C17orf75: variants seen among roughly 807,000 people sequenced by gnomAD.
The protein encoded by C17orf75 is chromosome 17 open reading frame 75.
A neutral mutation model predicts 49.6 loss-of-function variants in C17orf75; 32 were observed. The ratio of observed to expected loss-of-function variants is 0.65; its 90% confidence interval spans 0.49 to 0.87. C17orf75 has a LOEUF of 0.87. C17orf75 is among the 40% of genes least tolerant of loss of function. The pLI is 0.00. For synonymous variants in C17orf75, 158 were observed against 159.5 expected, an observed-to-expected ratio of 0.99 and a Z score of 0.07; for missense variants, 428 against 473.9, an observed-to-expected ratio of 0.90 and a Z score of 0.90.
rs1271784639 is a variant in C17orf75 at position 32,334,431 on chromosome 17, A to T, written c.871+38T>A. 8 of 1,590,248 alleles carry T rather than the reference A, an allele frequency of 5.0e-6. No homozygotes were observed. The East Asian group carries it at 1.8e-4, about 36-fold the overall frequency. On this transcript the variant is annotated intron_variant, in intron 8 of 9. Transcript: ENST00000577809. ...CTCAGTGCAAAGATGGGGACTCGCA[A>T]GAGATGTAGGAAGGCTGCTTCAGAG...
chr17:32,331,682 C>G lies in C17orf75; in HGVS notation c.*81G>C. ...TTTCAAATCATCTTAAATAGCAATCCTATGAACAATTATAACTGCAATTTC... is the reference window on the plus strand; with the variant it reads ...TTTCAAATCATCTTAAATAGCAATCGTATGAACAATTATAACTGCAATTTC... On this transcript the variant is annotated 3_prime_UTR_variant, in exon 10 of 10. Coordinates refer to ENST00000577809, the MANE Select transcript of C17orf75 (RefSeq NM_022344.4). 1.8e-6 allele frequency: 2 copies of G among 1,112,320 alleles called. No individual in the cohort carries two copies. The highest frequency in any genetic ancestry group is 2.7e-6 in the Non-Finnish European group (2 of 751,678). 68.9% of individuals were successfully genotyped at this position (1,112,320 alleles called of 1,614,324 possible).
At chr17:32,345,797 C>T (rs528178249), upstream of C17orf75, among the ~76,000 whole-genome samples, 55 of 152,128 alleles carry the variant, frequency 3.6e-4, 1 homozygote, top group South Asian at 5.6e-3. Context: ...CTGCCCTCTT[C>T]GGCTTCCCAA....
At chr17:32,346,144 A>G (rs981387948), upstream of C17orf75, among the ~76,000 whole-genome samples, 8 of 152,128 alleles carry the variant, frequency 5.3e-5, no homozygotes, top group African/African-American at 1.9e-4. Flanking sequence ...CGAGAGGCAC[A>G]GCATGGTGGC....
intron 9 of C17orf75, 34 bp from the exon 10 acceptor site, chr17:32,332,012 A>G (rs2041278451): frequency 7.8e-6 from 12 of 1,543,624 alleles, no homozygotes; most frequent in South Asian, 3.4e-5. Context: ...AAATGTGTTA[A>G]GTGAAATAAT....
chr17:32,343,587 T>G (rs796751879), upstream of C17orf75: 1 of 423,172 alleles, frequency 2.4e-6, no homozygotes, highest in Non-Finnish European at 4.2e-6. Context: ...ATAGCACAGT[T>G]TCTTCTCTTG....
At position 32,334,454 on chromosome 17, in the gene C17orf75, G is replaced by C. The variant is rs749227675; in HGVS notation, c.871+15C>G. 1 of 1,608,094 alleles carries C rather than the reference G, an allele frequency of 6.2e-7. No individual in the cohort carries two copies. Among genetic ancestry groups the C allele is most frequent in the African/African-American group, 1.3e-5 (1 of 74,818 alleles). ...CAAGAGATGTAGGAAGGCTGCTTCAGAGGTTGTAGCTCACCTGCATTGCAG... is the reference window on the plus strand; with the variant it reads ...CAAGAGATGTAGGAAGGCTGCTTCACAGGTTGTAGCTCACCTGCATTGCAG... On this transcript the variant is annotated intron_variant, in intron 8 of 9. Coordinates refer to ENST00000577809, the MANE Select transcript of C17orf75 (RefSeq NM_022344.4).
upstream of C17orf75, among the ~76,000 whole-genome samples, chr17:32,342,958 C>G (rs1198247581): frequency 6.6e-6 from 1 of 152,132 alleles, no homozygotes; most frequent in African/African-American, 2.4e-5. Flanking sequence ...AAAAGGATAC[C>G]AAAGACTGGG....
intron 1 of C17orf75, among the ~76,000 whole-genome samples, chr17:32,348,867 C>CTTTT (rs561014138): frequency 1.8e-5 from 2 of 108,848 alleles, no homozygotes; most frequent in Non-Finnish European, 1.8e-5. Flanking sequence ...CAGCTCCAGT[C>CTTTT]TTTTTTTTTT....
At chr17:32,333,382 T>G (rs1481779960) in intron 9 of C17orf75, 35 bp downstream of exon 9, 1 of 1,499,542 alleles carries the variant, frequency 6.7e-7, no homozygotes, top group East Asian at 2.3e-5. Flanking sequence ...AGACAAAAAT[T>G]TCATGTGGCA....
At chr17:32,333,290 C>A in intron 9 of C17orf75, 127 bp downstream of exon 9, 1 of 675,922 alleles carries the variant, frequency 1.5e-6, no homozygotes, top group Non-Finnish European at 2.6e-6. Context: ...TCTGATAATT[C>A]CAGTTTTGAG....
At position 32,341,150 on chromosome 17, in the gene C17orf75, G is replaced by A. The variant is rs2041376527; in HGVS notation, c.221+54C>T. On this transcript the variant is annotated intron_variant, in intron 2 of 9. Transcript: ENST00000577809. Reference sequence around the variant, plus strand: ...AGTATCCACTGACATGTACAGGCCAGAGATGCAGGGAAGATGAAAGCACAT... The same window carrying A: ...AGTATCCACTGACATGTACAGGCCAAAGATGCAGGGAAGATGAAAGCACAT... 4 of 1,565,550 alleles carry A rather than the reference G, an allele frequency of 2.6e-6. No homozygotes were observed. The Admixed American group carries it at 5.0e-5, about 20-fold the overall frequency.
At chr17:32,346,030 A>G (rs1394654152), upstream of C17orf75, among the ~76,000 whole-genome samples, 2 of 152,082 alleles carry the variant, frequency 1.3e-5, no homozygotes, top group African/African-American at 2.4e-5. Context: ...CTATGTATCT[A>G]TTTTAAAATA....
upstream of C17orf75, among the ~76,000 whole-genome samples, chr17:32,344,906 CA>C (rs948471560): frequency 6.8e-6 from 1 of 147,900 alleles, no homozygotes; most frequent in African/African-American, 2.5e-5. Context: ...GACTCTGTCT[CA>C]AAAAAAAATA....
upstream of C17orf75, among the ~76,000 whole-genome samples, chr17:32,345,122 T>C (rs2041415371): frequency 6.6e-6 from 1 of 152,168 alleles, no homozygotes; most frequent in South Asian, 2.1e-4. Flanking sequence ...CTCTTGCATG[T>C]CTGAAAATAT....
upstream of C17orf75, chr17:32,343,966 A>G: frequency 1.5e-6 from 1 of 684,352 alleles, no homozygotes. Context: ...GAAACACTTC[A>G]TCGGGGTTCA....
chr17:32,341,862 C>A, intron 1 of C17orf75, 138 bp downstream of exon 1: 3 of 1,082,674 alleles, frequency 2.8e-6, no homozygotes. Flanking sequence ...AGGCCAGAGA[C>A]CTTGGCTGGG....
At chr17:32,333,579 A>G in intron 8 of C17orf75, 59 bp from the exon 9 acceptor site, 1 of 1,454,520 alleles carries the variant, frequency 6.9e-7, no homozygotes, top group Non-Finnish European at 9.5e-7. Context: ...TTATTTATTT[A>G]TTTATTTGAG....
chr17:32,342,059 C>T lies in C17orf75; in HGVS notation c.81G>A (p.Glu27=). The part of the protein sequence containing the change: ...ESSEEGGSAE[E]RRLEPPSSSH... ...TGCTGGACGGCGGCTCGAGTCTCCG[C>T]TCCTCGGCTGAGCCTCCCTCTTCGC... Residue 27 remains glutamate, a synonymous_variant, in exon 1 of 10, where the codon GAG becomes GAA. Transcript: ENST00000577809. 6.4e-7 allele frequency: 1 copy of T among 1,563,576 alleles called. No individual in the cohort carries two copies. Among genetic ancestry groups the T allele is most frequent in the Non-Finnish European group, 8.6e-7 (1 of 1,156,506 alleles).
At chr17:32,344,786 A>T (rs1026296818), upstream of C17orf75, among the ~76,000 whole-genome samples, 2 of 151,878 alleles carry the variant, frequency 1.3e-5, no homozygotes, top group African/African-American at 4.8e-5. Context: ...ACACACCTGT[A>T]GTCACAGCTA....
Sources: gnomAD v4.1 joint callset for allele counts (sites outside exome capture counted in the v4.1 genomes callset) on GRCh38, gnomAD v4.1.1 for gene constraint, MANE v1.5 for transcripts, NCBI Gene and HGNC (gene_info 2026-07-23, HGNC 2026-07-21) for gene names.